ROS1: variants seen among roughly 807,000 people sequenced by gnomAD.
The protein encoded by ROS1 is ROS proto-oncogene 1, receptor tyrosine kinase, also known as proto-oncogene tyrosine-protein kinase ROS.
ROS1 carries 263 observed loss-of-function variants against 273.5 expected under a neutral mutation model. The ratio of observed to expected loss-of-function variants is 0.96; its 90% confidence interval spans 0.87 to 1.06. ROS1 has a LOEUF of 1.06. Among genes scored for constraint, ROS1 ranks in the 50% least tolerant of loss-of-function variants. The pLI is 0.00. For synonymous variants in ROS1, 1,008 were observed against 954.1 expected (o/e 1.06, Z -1.04); for missense variants, 2,833 against 2,751.1 (o/e 1.03, Z -0.67).
Position 117,344,262 on chromosome 6 carries a change from T to C in ROS1, c.4304A>G (p.Asp1435Gly), listed in dbSNP as rs147732228. 165 of 1,611,850 alleles carry C rather than the reference T, an allele frequency of 1.0e-4. No homozygotes were observed. The highest frequency in any genetic ancestry group is 1.3e-4 in the Non-Finnish European group (150 of 1,178,346). ...AYSSVMQPFP[D>G]KAFLSLASDT... ...TGAAGCTAGAGACAGAAACGCTTTA[T>C]CTAAAATAAGAAGAAACCAAAAGAT... The change falls in exon 28 of 44, where the codon GAT becomes GGT. Residue 1435 changes from aspartate to glycine, a missense_variant and splice_region_variant. Asp to Gly is a moderately conservative substitution (Grantham distance 94, BLOSUM62 -1). Transcript: ENST00000368507.
chr6:117,412,188 T>C (rs1562383466), intron 4 of ROS1, among the ~76,000 whole-genome samples: 1 of 152,138 alleles, frequency 6.6e-6, no homozygotes, highest in South Asian at 2.1e-4. Flanking sequence ...TAGACCTTTG[T>C]ATTTTGTAAT....
intron 4 of ROS1, among the ~76,000 whole-genome samples, chr6:117,411,151 C>T (rs1181353459): frequency 6.6e-6 from 1 of 151,986 alleles, no homozygotes; most frequent in Non-Finnish European, 1.5e-5. Flanking sequence ...ATAAAATTCC[C>T]ATCCTTCTGG....
intron 9 of ROS1, among the ~76,000 whole-genome samples, chr6:117,395,496 G>A (rs1773418357): frequency 6.6e-6 from 1 of 151,984 alleles, no homozygotes; most frequent in Non-Finnish European, 1.5e-5. Context: ...CAGCAAATAG[G>A]GTTCTAGTAA....
At chr6:117,308,085 G>A (rs910939123) in intron 42 of ROS1, among the ~76,000 whole-genome samples, 1 of 151,912 alleles carries the variant, frequency 6.6e-6, no homozygotes, top group Non-Finnish European at 1.5e-5. Flanking sequence ...GAACTTCTTG[G>A]GTAAGACAAT....
chr6:117,406,661 T>C (rs901845714), intron 5 of ROS1, among the ~76,000 whole-genome samples: 1 of 152,216 alleles, frequency 6.6e-6, no homozygotes, highest in Non-Finnish European at 1.5e-5. Flanking sequence ...CTCAGAAATT[T>C]TTTTATGGTT....
chr6:117,314,399 C>A (rs1454637413), intron 39 of ROS1, among the ~76,000 whole-genome samples: 1 of 152,180 alleles, frequency 6.6e-6, no homozygotes, highest in Admixed American at 6.6e-5. Flanking sequence ...CTGTTTTTCA[C>A]TATGGAAGCT....
Position 117,396,864 on chromosome 6 carries a change from A to G in ROS1, c.806+51T>C, listed in dbSNP as rs116066809. The G allele has an allele frequency of 3.4e-3, 4,303 of 1,267,978 alleles. 105 individuals carry two copies. The African/African-American group carries it at 0.057, about 17-fold the overall frequency. 78.5% of individuals were successfully genotyped at this position (1,267,978 alleles called of 1,614,324 possible). On this transcript the variant is annotated intron_variant, in intron 8 of 43. Coordinates refer to ENST00000368507, the MANE Select transcript of ROS1 (RefSeq NM_001378902.1). ...TACCCATATTTCTTAAATAATTATC[A>G]TGCCTGCAGCCATGCTGGTTACATT...
At chr6:117,402,046 A>G (rs1372502118) in intron 7 of ROS1, among the ~76,000 whole-genome samples, 1 of 152,056 alleles carries the variant, frequency 6.6e-6, no homozygotes, top group Non-Finnish European at 1.5e-5. Context: ...TCCATACAGC[A>G]GCCAGTTTTC....
chr6:117,379,384 G>A (rs1322876301), intron 17 of ROS1, among the ~76,000 whole-genome samples: 1 of 152,114 alleles, frequency 6.6e-6, no homozygotes, highest in African/African-American at 2.4e-5. Flanking sequence ...GGCAAGGAGT[G>A]TATTATTCAC....
At chr6:117,352,906 G>T in intron 27 of ROS1, 84 bp downstream of exon 27, 2 of 1,270,610 alleles carry the variant, frequency 1.6e-6, no homozygotes, top group South Asian at 1.4e-5. Context: ...GGGCTAAAGG[G>T]ACAGCCTTGG....
chr6:117,420,588 A>C (rs1345372058), intron 1 of ROS1, among the ~76,000 whole-genome samples: 1 of 149,020 alleles, frequency 6.7e-6, no homozygotes, highest in Non-Finnish European at 1.5e-5. Flanking sequence ...AATAATAATA[A>C]AATTTTAAAT....
At chr6:117,335,214 A>G (rs1258957502) in intron 32 of ROS1, among the ~76,000 whole-genome samples, 1 of 152,162 alleles carries the variant, frequency 6.6e-6, no homozygotes. Flanking sequence ...AAAGGGATTT[A>G]TGCAGCCAAT....
At chr6:117,310,593 C>G (rs980226786) in intron 40 of ROS1, among the ~76,000 whole-genome samples, 2 of 152,026 alleles carry the variant, frequency 1.3e-5, no homozygotes, top group African/African-American at 2.4e-5. Flanking sequence ...CTCCCTGTGT[C>G]CATGTGTTCT....
chr6:117,372,850 G>C (rs1780941784), intron 18 of ROS1, among the ~76,000 whole-genome samples: 1 of 152,174 alleles, frequency 6.6e-6, no homozygotes, highest in South Asian at 2.1e-4. Flanking sequence ...ATCCATTCGG[G>C]TTGCCACAGC....
chr6:117,381,069 T>A (rs1241478288), intron 17 of ROS1, among the ~76,000 whole-genome samples: 6 of 151,838 alleles, frequency 4.0e-5, no homozygotes. Flanking sequence ...CTTCAAAACA[T>A]CCACTGTCAC....
At chr6:117,321,784 G>A (rs1231258778) in intron 35 of ROS1, among the ~76,000 whole-genome samples, 1 of 147,756 alleles carries the variant, frequency 6.8e-6, no homozygotes, top group African/African-American at 2.5e-5. Flanking sequence ...TCACATCCAG[G>A]TTATATTCCT....
chr6:117,382,503 A>G (rs919630132), intron 17 of ROS1, among the ~76,000 whole-genome samples: 3 of 152,196 alleles, frequency 2.0e-5, no homozygotes, highest in African/African-American at 7.2e-5. Context: ...TGGTGTGAAT[A>G]ATTTATTTAT....
chr6:117,321,304 C>A lies in ROS1; in HGVS notation c.5714G>T (p.Gly1905Val), dbSNP rs1195494731. Residue 1905 changes from glycine (G) to valine (V), a missense_variant, in exon 36 of 44, where the codon GGT becomes GTT. Physicochemically the swap from Gly to Val is moderately radical, Grantham distance 109. Transcript: ENST00000368507. Reference protein sequence around the residue: ...NEDKELAELRGLAAGVGLANA... With the variant: ...NEDKELAELRVLAAGVGLANA... The stretch of plus-strand genomic sequence containing the variant: ...AGCCAGGCCTACTCCGGCTGCCAGA[C>A]CTCGCAGCTCAGCCAACTCTTTGTC... 1.9e-6 allele frequency: 3 copies of A among 1,613,828 alleles called. No homozygotes were observed.
chr6:117,300,791 A>T (rs1173023090), intron 43 of ROS1, among the ~76,000 whole-genome samples, 183 bp downstream of exon 43: 1 of 152,186 alleles, frequency 6.6e-6, no homozygotes, highest in East Asian at 1.9e-4. Flanking sequence ...TATTTTTTCA[A>T]TTTAGTGCAT....
Sources: allele counts gnomAD v4.1 joint callset (sites outside exome capture counted in the v4.1 genomes callset), GRCh38; gene constraint gnomAD v4.1.1; transcripts MANE v1.5; gene names NCBI Gene and HGNC (gene_info 2026-07-23, HGNC 2026-07-21).